The following LPP variants were observed in gnomAD, a reference collection of about 807,000 sequenced individuals.
LPP encodes the protein lipoma-preferred partner.
A neutral mutation model predicts 60.4 loss-of-function variants in LPP; 38 were observed. The observed-to-expected ratio is 0.63, with a 90% CI of 0.49 to 0.83. LPP has a LOEUF of 0.83. LPP is among the 40% of genes least tolerant of loss of function. The pLI is 0.00. For synonymous variants in LPP, 328 were observed against 290.8 expected, an observed-to-expected ratio of 1.13 and a Z score of -1.30; for missense variants, 902 against 783.6, an observed-to-expected ratio of 1.15 and a Z score of -1.80.
chr3:188,765,689 G>T (rs1361021192), intron 9 of LPP, among the ~76,000 whole-genome samples: 2 of 150,444 alleles, frequency 1.3e-5, no homozygotes, highest in African/African-American at 4.9e-5. Context: ...TAACATCCGT[G>T]CTAACATTCA....
At chr3:188,588,532 G>A (rs1837981993) in intron 6 of LPP, among the ~76,000 whole-genome samples, 1 of 152,180 alleles carries the variant, frequency 6.6e-6, no homozygotes, top group South Asian at 2.1e-4. Flanking sequence ...ACAATGTGTA[G>A]ATTCAGATAC....
chr3:188,366,125 G>A (rs748845606), intron 3 of LPP, among the ~76,000 whole-genome samples: 1 of 152,164 alleles, frequency 6.6e-6, no homozygotes, highest in Non-Finnish European at 1.5e-5. Context: ...TATCAGTGAG[G>A]TCACGCAGTG....
At chr3:188,772,595 C>T (rs879449163) in intron 9 of LPP, among the ~76,000 whole-genome samples, 42 of 152,164 alleles carry the variant, frequency 2.8e-4, no homozygotes, top group South Asian at 1.0e-3. Flanking sequence ...CCTGGGTTCG[C>T]GCCATTCTCC....
chr3:188,805,100 G>A (rs1748673549), intron 9 of LPP, among the ~76,000 whole-genome samples: 1 of 152,018 alleles, frequency 6.6e-6, no homozygotes, highest in Admixed American at 6.6e-5. Flanking sequence ...TAATTTGCCA[G>A]TAGTTTGTTG....
intron 6 of LPP, among the ~76,000 whole-genome samples, chr3:188,555,570 T>C (rs1293383190): frequency 6.6e-6 from 1 of 152,060 alleles, no homozygotes; most frequent in Non-Finnish European, 1.5e-5. Context: ...AGATGTGGAA[T>C]ATAAGAGTAA....
chr3:188,317,576 A>C (rs1433938367), intron 2 of LPP, among the ~76,000 whole-genome samples: 1 of 152,172 alleles, frequency 6.6e-6, no homozygotes, highest in Non-Finnish European at 1.5e-5. Flanking sequence ...TCTTAACCAC[A>C]CTGTAAATTA....
intron 5 of LPP, among the ~76,000 whole-genome samples, chr3:188,501,617 C>T (rs937494282): frequency 4.2e-4 from 63 of 151,666 alleles, no homozygotes; most frequent in Admixed American, 2.0e-4. Flanking sequence ...GGCGTGGTGG[C>T]GGGCACCTGT....
intron 6 of LPP, among the ~76,000 whole-genome samples, chr3:188,541,759 T>C (rs942299142): frequency 6.6e-6 from 1 of 152,044 alleles, no homozygotes; most frequent in Non-Finnish European, 1.5e-5. Flanking sequence ...TAGCTGTGCA[T>C]GGTGGCGGGC....
At position 188,708,347 on chromosome 3, in the gene LPP, A is replaced by T. The variant is rs752491417; in HGVS notation, c.1194A>T (p.Lys398Asn). The T allele has an allele frequency of 6.2e-7, 1 of 1,614,198 alleles. No individual in the cohort carries two copies. Among genetic ancestry groups the T allele is most frequent in the Non-Finnish European group, 8.5e-7 (1 of 1,180,020 alleles). ...RPEDELEHLT[K>N]KMLYDMENPP... ...AGGATGAGCTTGAGCACCTGACCAA[A>T]AAGATGCTGTATGACATGGAAAATC... Residue 398 changes from lysine to asparagine, a missense_variant, in exon 8 of 12, where the codon AAA (lysine) becomes AAT (asparagine). Physicochemically the swap from Lys to Asn is moderately conservative, Grantham distance 94. Transcript: ENST00000617246.
intron 2 of LPP, among the ~76,000 whole-genome samples, chr3:188,318,135 C>T (rs1384803725): frequency 1.3e-5 from 2 of 152,208 alleles, no homozygotes. Flanking sequence ...AGATCCTTCT[C>T]TTATTTTTCT....
At chr3:188,344,731 C>T (rs527867101) in intron 3 of LPP, among the ~76,000 whole-genome samples, 1 of 152,278 alleles carries the variant, frequency 6.6e-6, no homozygotes, top group African/African-American at 2.4e-5. Context: ...CAGTTAATGA[C>T]TTTTATTATA....
chr3:188,726,708 C>T (rs1223828276), intron 8 of LPP, among the ~76,000 whole-genome samples: 1 of 152,078 alleles, frequency 6.6e-6, no homozygotes, highest in East Asian at 1.9e-4. Context: ...AATTTTGTTT[C>T]TTTTCCATTT....
chr3:188,804,963 T>C (rs1322851865), intron 9 of LPP, among the ~76,000 whole-genome samples: 2 of 152,064 alleles, frequency 1.3e-5, no homozygotes, highest in Non-Finnish European at 2.9e-5. Context: ...TAATAAGACT[T>C]TTGTTCTACA....
chr3:188,544,303 G>A (rs1040149058), intron 6 of LPP, among the ~76,000 whole-genome samples: 9 of 152,182 alleles, frequency 5.9e-5, no homozygotes, highest in African/African-American at 9.6e-5. Flanking sequence ...CTGAGTGGCT[G>A]TGTCACCCTG....
chr3:188,276,689 C>CTCTT (rs1739885861), intron 2 of LPP, among the ~76,000 whole-genome samples: 1 of 15,100 alleles, frequency 6.6e-5, no homozygotes, highest in African/African-American at 1.1e-3. Context: ...CTCTCTCTCT[C>CTCTT]TCTCTTTCTC....
At chr3:188,185,760 G>A (rs575778722) in intron 1 of LPP, among the ~76,000 whole-genome samples, 61 of 152,084 alleles carry the variant, frequency 4.0e-4, no homozygotes, top group Non-Finnish European at 5.9e-4. Flanking sequence ...CCCTTCTGTC[G>A]TTCTCTCATG....
chr3:188,422,050 A>G (rs1328522556), intron 4 of LPP, among the ~76,000 whole-genome samples: 1 of 152,124 alleles, frequency 6.6e-6, no homozygotes, highest in Non-Finnish European at 1.5e-5. Context: ...GAGAATCAGA[A>G]CTTCTGCATT....
Position 188,882,374 on chromosome 3 carries a change from A to G in LPP, c.*7895A>G, listed in dbSNP as rs1770137485. ...TTCTTAACAGAAAAAAAAGGCTTCC[A>G]AATAATCAGGCTGAATGGGAAGAAA... On this transcript the variant is annotated 3_prime_UTR_variant, in exon 12 of 12. Coordinates refer to ENST00000617246, the MANE Select transcript of LPP (RefSeq NM_001375462.1). The G allele has an allele frequency of 4.4e-6, 1 of 226,382 alleles. No homozygotes were observed. The highest frequency in any genetic ancestry group is 8.8e-6 in the Non-Finnish European group (1 of 113,754). 14.0% of individuals were successfully genotyped at this position (226,382 alleles called of 1,614,324 possible).
Position 188,638,561 on chromosome 3 carries a change from G to A in LPP, c.1113+28717G>A, listed in dbSNP as rs1262597302. 2.2e-3 allele frequency among the ~76,000 whole-genome samples: 329 copies of A among 148,478 alleles called. 1 individual carries two copies. The highest frequency in any genetic ancestry group is 8.0e-3 in the African/African-American group (316 of 39,592). On this transcript the variant is annotated intron_variant, in intron 7 of 11. Coordinates refer to ENST00000617246, the MANE Select transcript of LPP (RefSeq NM_001375462.1). ...AATAAAGGGTATTCAATTAGGAAAAGAGGAAGTCAAATTGTCCCTGTTTGC... is the reference window on the plus strand; with the variant it reads ...AATAAAGGGTATTCAATTAGGAAAAAAGGAAGTCAAATTGTCCCTGTTTGC...
Sources: gnomAD v4.1 joint callset for allele counts (sites outside exome capture counted in the v4.1 genomes callset) on GRCh38, gnomAD v4.1.1 for gene constraint, MANE v1.5 for transcripts, NCBI Gene and HGNC (gene_info 2026-07-23, HGNC 2026-07-21) for gene names.